Variants in KDM8 observed in about 807,000 individuals in gnomAD.
KDM8 encodes bifunctional peptidase and arginyl-hydroxylase JMJD5.
KDM8 carries 35 observed loss-of-function variants against 46.9 expected under a neutral mutation model. That is an observed-to-expected ratio of 0.75 (90% CI 0.57 to 0.99). The LOEUF (loss-of-function observed/expected upper bound fraction) is 0.99. Ranked by LOEUF, KDM8 falls within the 50% of genes least tolerant of loss-of-function variation. KDM8 has a pLI of 0.00. For synonymous variants in KDM8, 232 were observed against 227.7 expected (o/e 1.02, Z -0.17); for missense variants, 475 against 537.0 (o/e 0.88, Z 1.14).
chr16:27,211,036 C>T (rs1047141152), intron 2 of KDM8: 5 of 414,730 alleles, frequency 1.2e-5, no homozygotes, highest in African/African-American at 8.3e-5. Context: ...GTCGTGGCCT[C>T]CCGAAGCACT....
chr16:27,210,647 C>G, intron 2 of KDM8, 26 bp downstream of exon 2: 1 of 1,493,756 alleles, frequency 6.7e-7, no homozygotes, highest in South Asian at 1.4e-5. Context: ...TCTCCCCAAG[C>G]ACACTAGCCA....
intron 6 of KDM8, among the ~76,000 whole-genome samples, chr16:27,220,103 C>T (rs1215862967): frequency 6.6e-6 from 1 of 152,110 alleles, no homozygotes; most frequent in South Asian, 2.1e-4. Flanking sequence ...TACCTGTAGT[C>T]CCAACTACTG....
At chr16:27,209,944 A>T in intron 1 of KDM8, 149 bp from the exon 2 acceptor site, 1 of 770,060 alleles carries the variant, frequency 1.3e-6, no homozygotes, top group South Asian at 1.8e-5. Context: ...GACCCCAGAC[A>T]GATGAGGGCC....
At chr16:27,217,846 G>T (rs2083572138) in intron 5 of KDM8, among the ~76,000 whole-genome samples, 1 of 151,360 alleles carries the variant, frequency 6.6e-6, no homozygotes, top group South Asian at 2.1e-4. Context: ...ATGCCGCCAG[G>T]TCCATCCAGG....
chr16:27,215,200 C>A (rs1248987370), intron 4 of KDM8, among the ~76,000 whole-genome samples, 192 bp downstream of exon 4: 1 of 152,142 alleles, frequency 6.6e-6, no homozygotes, highest in African/African-American at 2.4e-5. Flanking sequence ...ATGTCAGGTC[C>A]TTTTTAATGG....
chr16:27,221,446 G>A lies in KDM8; in HGVS notation c.*716G>A. The A allele has an allele frequency of 6.4e-6, 1 of 156,334 alleles. No homozygotes were observed. Among genetic ancestry groups the A allele is most frequent in the Non-Finnish European group, 1.4e-5 (1 of 70,552 alleles). 9.7% of individuals were successfully genotyped at this position (156,334 alleles called of 1,614,324 possible). A position where few individuals can be genotyped will look rare whatever the true frequency, so the allele number is the denominator to read the frequency against. ...CCCATGGCTCAAGGATAACCTACCT[G>A]CCTGCAGAGAAGTGCGAAGGTCTTG... On this transcript the variant is annotated 3_prime_UTR_variant, in exon 8 of 8. Coordinates refer to ENST00000286096, the MANE Select transcript of KDM8 (RefSeq NM_024773.3).
intron 2 of KDM8, chr16:27,211,414 A>G (rs979593949): frequency 1.4e-4 from 45 of 333,180 alleles, no homozygotes; most frequent in Non-Finnish European, 1.5e-4. Flanking sequence ...GCCTGTTCCA[A>G]AGAGCACCCC....
In KDM8 at chr16:27,220,464, C is replaced by T. The variant is rs1197413656; in HGVS notation, c.1065C>T (p.His355=). 3.1e-6 allele frequency: 5 copies of T among 1,614,132 alleles called. No homozygotes were observed. The highest frequency in any genetic ancestry group is 1.6e-4 in the Middle Eastern group (1 of 6,062). Residue 355 remains histidine (H), a synonymous_variant, in exon 7 of 8, where the codon CAC becomes CAT. Coordinates refer to ENST00000286096, the MANE Select transcript of KDM8 (RefSeq NM_024773.3). ...GGGCTCTGTACCCTCATGACACGCA[C>T]CTTCTCCATAACACGAGCCAGGTGG... ...ESGALYPHDT[H]LLHNTSQVDV...
chr16:27,214,857 A>C lies in KDM8; in HGVS notation c.666-19A>C. The C allele has an allele frequency of 6.2e-7, 1 of 1,613,840 alleles. No homozygotes were observed. The highest frequency in any genetic ancestry group is 8.5e-7 in the Non-Finnish European group (1 of 1,179,742). On this transcript the variant is annotated intron_variant, in intron 3 of 7. Transcript: ENST00000286096. ...ACAGATATTAGCAGTGACGATGCCA[A>C]TGTGTGTCTTTCTGCTAGTTTGGAG...
At chr16:27,212,016 C>A (rs971181238) in intron 2 of KDM8, among the ~76,000 whole-genome samples, 2 of 151,834 alleles carry the variant, frequency 1.3e-5, no homozygotes, top group African/African-American at 2.4e-5. Context: ...AGGCATGTAA[C>A]CAAAATAAAA....
In KDM8 at chr16:27,218,985, A is replaced by G. The variant is rs1453841028; in HGVS notation, c.868A>G (p.Ser290Gly). ...DQIPELKQDI[S>G]IPDYCSLGDG... ...GATCCCGGAGTTGAAGCAGGACATCAGCATCCCCGACTACTGCAGCCTGGG... is the reference window on the plus strand; with the variant it reads ...GATCCCGGAGTTGAAGCAGGACATCGGCATCCCCGACTACTGCAGCCTGGG... Residue 290 changes from serine (S) to glycine (G), a missense_variant, in exon 6 of 8, where the codon AGC becomes GGC. Ser to Gly is a moderately conservative substitution (Grantham distance 56). Transcript: ENST00000286096. 6.2e-7 allele frequency: 1 copy of G among 1,614,118 alleles called. No homozygotes were observed. Among genetic ancestry groups the G allele is most frequent in the African/African-American group, 1.3e-5 (1 of 75,024 alleles).
intron 1 of KDM8, among the ~76,000 whole-genome samples, chr16:27,207,938 A>C (rs1320641627): frequency 6.6e-6 from 1 of 152,224 alleles, no homozygotes; most frequent in Admixed American, 6.5e-5. Flanking sequence ...ATACAGAGGC[A>C]ATCTGAAAAG....
chr16:27,204,429 A>G (rs2083408338), intron 1 of KDM8: 1 of 1,136,178 alleles, frequency 8.8e-7, no homozygotes, highest in Non-Finnish European at 1.1e-6. Context: ...AGCTTTCTGG[A>G]AAATGTTCCA....
chr16:27,219,202 TAAAAAG>T, intron 6 of KDM8, 92 bp downstream of exon 6: 2 of 1,333,590 alleles, frequency 1.5e-6, no homozygotes, highest in East Asian at 2.6e-5. Context: ...ACCGGGCTCT[TAAAAAG>T]AAACAAGAAG....
rs1399629484 is a variant in KDM8, at chr16:27,221,119, G to C, written c.*389G>C. On this transcript the variant is annotated 3_prime_UTR_variant, in exon 8 of 8. Coordinates refer to ENST00000286096, the MANE Select transcript of KDM8 (RefSeq NM_024773.3). ...TCAAACCCGGCCGCGCTGTGCACCTGCTGGGTGACTTGGCCAGGATCCCCC... is the reference window on the plus strand; with the variant it reads ...TCAAACCCGGCCGCGCTGTGCACCTCCTGGGTGACTTGGCCAGGATCCCCC... 1 of 350,270 alleles carries C rather than the reference G, an allele frequency of 2.9e-6. No homozygotes were observed. Among genetic ancestry groups the C allele is most frequent in the Non-Finnish European group, 5.6e-6 (1 of 178,196 alleles). The allele number at this position is 350,270 out of a possible 1,614,324, so 21.7% of individuals were successfully genotyped here. A position where few individuals can be genotyped will look rare whatever the true frequency, so the allele number is the denominator to read the frequency against.
Position 27,210,290 on chromosome 16 carries a change from T to C in KDM8, c.167T>C (p.Phe56Ser), listed in dbSNP as rs2083468844. The C allele has an allele frequency of 3.1e-6, 5 of 1,613,170 alleles. No individual in the cohort carries two copies. Among genetic ancestry groups the C allele is most frequent in the Non-Finnish European group, 4.2e-6 (5 of 1,180,054 alleles). Reference protein sequence around the residue: ...VTLLQRATELFYEGRRDECLQ... With the variant: ...VTLLQRATELSYEGRRDECLQ... ...TTGTTGCAGCGAGCCACTGAGCTCT[T>C]CTACGAGGGCAGGAGGGACGAGTGT... The change falls in exon 2 of 8, where the codon TTC becomes TCC. Residue 56 changes from phenylalanine (F) to serine (S), a missense_variant. By Grantham distance (155) the Phe-to-Ser change is radical. Transcript: ENST00000286096.
intron 2 of KDM8, 76 bp from the exon 3 acceptor site, chr16:27,213,509 C>T: frequency 2.7e-6 from 4 of 1,505,550 alleles, no homozygotes; most frequent in Admixed American, 1.8e-5. Context: ...ACCCCTGACA[C>T]AGGTTCCTGG....
chr16:27,216,139 G>T (rs1042988260), intron 5 of KDM8, 150 bp downstream of exon 5: 1 of 769,860 alleles, frequency 1.3e-6, no homozygotes, highest in Non-Finnish European at 2.2e-6. Flanking sequence ...GTGATGAGGA[G>T]CCATTTTCCT....
At chr16:27,205,097 C>G (rs1338146056) in intron 1 of KDM8, among the ~76,000 whole-genome samples, 1 of 152,088 alleles carries the variant, frequency 6.6e-6, no homozygotes, top group Non-Finnish European at 1.5e-5. Flanking sequence ...GGGATATATC[C>G]CATAACCTAC....
Sources: gnomAD v4.1 joint callset for allele counts (sites outside exome capture counted in the v4.1 genomes callset) on GRCh38, gnomAD v4.1.1 for gene constraint, MANE v1.5 for transcripts, NCBI Gene and HGNC (gene_info 2026-07-23, HGNC 2026-07-21) for gene names.